Variants in ZBBX observed in about 807,000 individuals in gnomAD.
ZBBX encodes the protein zinc finger B-box domain containing.
In ZBBX, 101 loss-of-function variants were observed where a neutral mutation model predicts 108.5. The ratio of observed to expected loss-of-function variants is 0.93; its 90% CI spans 0.79 to 1.10. ZBBX has a LOEUF of 1.10. Among genes scored for constraint, ZBBX ranks in the 50% least tolerant of loss-of-function variants. ZBBX has a pLI of 0.00. For missense variants in ZBBX, 1,009 were observed against 941.4 expected, an observed-to-expected ratio of 1.07 and a Z score of -0.94; for synonymous variants, 356 against 323.4, an observed-to-expected ratio of 1.10 and a Z score of -1.08.
chr3:167,290,311 T>G (rs1452243909), intron 18 of ZBBX, among the ~76,000 whole-genome samples: 2 of 152,192 alleles, frequency 1.3e-5, no homozygotes, highest in Non-Finnish European at 2.9e-5. Context: ...GAGCTCTGGC[T>G]GGCATCTGGT....
intron 9 of ZBBX, among the ~76,000 whole-genome samples, chr3:167,344,722 A>G (rs1741139069): frequency 6.6e-6 from 1 of 151,780 alleles, no homozygotes; most frequent in African/African-American, 2.4e-5. Flanking sequence ...ACTTTCCACC[A>G]GAGCCAATCC....
chr3:167,302,026 G>A lies in ZBBX; in HGVS notation c.1726-3568C>T, dbSNP rs939196301. 3.4e-5 allele frequency among the ~76,000 whole-genome samples: 5 copies of A among 149,050 alleles called. No homozygotes were observed. The East Asian group carries it at 5.8e-4, about 17-fold the overall frequency. ...TTAATTTTGTTAGCATTTTGCTATC[G>A]ATTTATAATTTATTGTATTATGGTT... is the stretch of plus-strand genomic sequence containing the variant. On this transcript the variant is annotated intron_variant, in intron 17 of 21. Transcript: ENST00000675490.
chr3:167,396,636 G>A (rs548866383), intron 1 of ZBBX, among the ~76,000 whole-genome samples: 4 of 152,180 alleles, frequency 2.6e-5, no homozygotes, highest in African/African-American at 9.6e-5. Flanking sequence ...TATGGTTTAT[G>A]AATGAGAGTA....
At chr3:167,335,601 C>T (rs1309452132) in intron 9 of ZBBX, among the ~76,000 whole-genome samples, 1 of 150,432 alleles carries the variant, frequency 6.6e-6, no homozygotes, top group Non-Finnish European at 1.5e-5. Flanking sequence ...TTGTACTCTG[C>T]CATGAAAATG....
At chr3:167,190,413 C>G in the ZBBX span, among the ~76,000 whole-genome samples, 1 of 131,778 alleles carries the variant, frequency 7.6e-6, no homozygotes, top group African/African-American at 3.0e-5. Flanking sequence ...CGGAGTCTCT[C>G]TCTGTCGCCC....
Position 167,294,720 on chromosome 3 carries a change from C to T in ZBBX, c.1879+3585G>A, listed in dbSNP as rs190836037. On this transcript the variant is annotated intron_variant, in intron 18 of 21. Coordinates refer to ENST00000675490, the MANE Select transcript of ZBBX (RefSeq NM_001199201.2). ...GGGATCTAATTAAACTAAAGGGCTT[C>T]TGCACAGCAAAAGAAACTATCATCA... Among the ~76,000 whole-genome samples, 927 of 152,242 alleles carry T rather than the reference C, an allele frequency of 6.1e-3. 6 individuals carry two copies. Among genetic ancestry groups the T allele is most frequent in the African/African-American group, 0.022 (901 of 41,552 alleles).
rs187157369 is a variant in ZBBX, at chr3:167,316,809, A to G, written c.1194+196T>C. Among the ~76,000 whole-genome samples, 717 of 152,182 alleles carry G rather than the reference A, an allele frequency of 4.7e-3. 3 individuals are homozygous for G. Among genetic ancestry groups the G allele is most frequent in the Non-Finnish European group, 7.4e-3 (504 of 67,922 alleles). On this transcript the variant is annotated intron_variant, in intron 14 of 21. Transcript: ENST00000675490. ...AAAATTGACAATACCAGTTTAGCTC[A>G]CAAATTTACTGTTTACATTCAGAAT...
rs61671930 is a variant in ZBBX at position 167,397,142 on chromosome 3, T to TAAAAAA, written c.-446+10578_-446+10583dup. Among the ~76,000 whole-genome samples, 294 of 72,394 alleles carry TAAAAAA rather than the reference T, an allele frequency of 4.1e-3. 15 individuals are homozygous for TAAAAAA. Among genetic ancestry groups the TAAAAAA allele is most frequent in the Non-Finnish European group, 5.4e-3 (204 of 37,600 alleles). The allele number at this position is 72,394 out of a possible 152,430, so 47.5% of individuals were successfully genotyped here. The stretch of plus-strand genomic sequence containing the variant: ...GTCGTGAAGAAGAGGTTCTTGGTGG[T>TAAAAAA]AAAAAAAAAAAAAAAAAAAAAAAAT... On this transcript the variant is annotated intron_variant, in intron 1 of 21. Transcript: ENST00000455345.
Position 167,240,670 on chromosome 3 carries a change from G to T in ZBBX, c.*123C>A. The T allele has an allele frequency of 1.7e-6, 2 of 1,189,498 alleles. No individual in the cohort carries two copies. Among genetic ancestry groups the T allele is most frequent in the Non-Finnish European group, 1.2e-6 (1 of 855,688 alleles). 73.7% of individuals were successfully genotyped at this position (1,189,498 alleles called of 1,614,324 possible). ...TTTACTTTTATTAGTTTGTAGCCTT[G>T]AAACATCAAAGACATTAGTAATCAA... On this transcript the variant is annotated 3_prime_UTR_variant, in exon 22 of 22. Transcript: ENST00000675490.
chr3:167,253,320 C>T (rs555299768), intron 20 of ZBBX, among the ~76,000 whole-genome samples: 2 of 151,942 alleles, frequency 1.3e-5, no homozygotes, highest in South Asian at 4.2e-4. Context: ...TCACCAATAC[C>T]ACGTCAATAG....
rs1746362911 is a variant in ZBBX, at chr3:167,372,889, C to A, written c.13G>T (p.Asp5Tyr). The A allele has an allele frequency of 1.9e-6, 3 of 1,601,498 alleles. No individual in the cohort carries two copies. Among genetic ancestry groups the A allele is most frequent in the Non-Finnish European group, 2.6e-6 (3 of 1,174,232 alleles). The change falls in exon 4 of 22, where the codon GAT becomes TAT. Residue 5 changes from aspartate to tyrosine, a missense_variant. By Grantham distance (160) the Asp-to-Tyr change is radical (BLOSUM62 -3). Transcript: ENST00000675490. MNRK[D>Y]FVVLPWGKPG... ...TTTCCCCATGGAAGAACTACAAAAT[C>A]TTTTCTGTTCATGATTACCACCTTA... is the stretch of plus-strand genomic sequence containing the variant.
chr3:167,182,011 ATTAAAC>A, the ZBBX span, among the ~76,000 whole-genome samples: 1 of 152,282 alleles, frequency 6.6e-6, no homozygotes. Context: ...TCCCATCTTT[ATTAAAC>A]TTAGAGTGAC....
intron 20 of ZBBX, among the ~76,000 whole-genome samples, chr3:167,247,409 C>A (rs892610103): frequency 6.6e-6 from 1 of 152,164 alleles, no homozygotes; most frequent in African/African-American, 2.4e-5. Flanking sequence ...CTTCTCGCTT[C>A]CCCATCAGCG....
chr3:167,306,163 G>T (rs189063249), intron 16 of ZBBX, among the ~76,000 whole-genome samples: 1 of 152,084 alleles, frequency 6.6e-6, no homozygotes, highest in Non-Finnish European at 1.5e-5. Context: ...ACATTAATGA[G>T]CTAGACTAGT....
chr3:167,246,646 T>C (rs1008036857), intron 20 of ZBBX, among the ~76,000 whole-genome samples: 3 of 152,218 alleles, frequency 2.0e-5, no homozygotes, highest in African/African-American at 7.2e-5. Context: ...TTGAAACAAA[T>C]AAATCATTTT....
intron 20 of ZBBX, among the ~76,000 whole-genome samples, chr3:167,281,736 T>C (rs1188005938): frequency 1.3e-5 from 2 of 152,208 alleles, no homozygotes; most frequent in African/African-American, 4.8e-5. Flanking sequence ...TGGCATCACC[T>C]GGGTATTTGT....
chr3:167,359,978 C>T lies in ZBBX; in HGVS notation c.324G>A (p.Glu108=). 3 of 1,543,606 alleles carry T rather than the reference C, an allele frequency of 1.9e-6. No homozygotes were observed. Among genetic ancestry groups the T allele is most frequent in the South Asian group, 2.4e-5 (2 of 83,344 alleles). The change falls in exon 8 of 22, where the codon GAG becomes GAA. Residue 108 remains glutamate, a splice_region_variant and synonymous_variant. Coordinates refer to ENST00000675490, the MANE Select transcript of ZBBX (RefSeq NM_001199201.2). ...TATAATTAACTGTTGGTTTCACTGG[C>T]TCTGCAAGATAAAAAATAATATTAC... ...KLKLLKEQIQ[E]PVKPTVNYKM... is the part of the protein sequence containing the mutation.
intron 20 of ZBBX, among the ~76,000 whole-genome samples, chr3:167,282,010 T>C (rs893070780): frequency 2.0e-5 from 3 of 152,238 alleles, no homozygotes; most frequent in Non-Finnish European, 2.9e-5. Context: ...CTGTGTTTTA[T>C]AGGCTATGGG....
chr3:167,185,082 G>T, the ZBBX span, among the ~76,000 whole-genome samples: 1 of 152,048 alleles, frequency 6.6e-6, no homozygotes, highest in African/African-American at 2.4e-5. Context: ...TGTATATATA[G>T]AGACTTGGTT....
Sources: gnomAD v4.1 joint callset for allele counts (sites outside exome capture counted in the v4.1 genomes callset) on GRCh38, gnomAD v4.1.1 for gene constraint, MANE v1.5 for transcripts, NCBI Gene and HGNC (gene_info 2026-07-23, HGNC 2026-07-21) for gene names.